The following TAF5 variants were observed in gnomAD, a reference collection of about 807,000 sequenced individuals.
TAF5 encodes transcription initiation factor TFIID subunit 5.
TAF5 carries 20 observed loss-of-function variants against 80.9 expected under a neutral mutation model. The ratio of observed to expected loss-of-function variants is 0.25; its 90% CI spans 0.17 to 0.36. The LOEUF is 0.36. Ranked by LOEUF, TAF5 falls within the 10% of genes least tolerant of loss-of-function variation. The pLI, the probability that TAF5 is intolerant of heterozygous loss-of-function variation, is 1.00. For missense variants in TAF5, 863 were observed against 1,029.4 expected (o/e 0.84, Z 2.21); for synonymous variants, 388 against 406.4 (o/e 0.95, Z 0.55).
intron 1 of TAF5, among the ~76,000 whole-genome samples, chr10:103,368,891 C>T (rs1178545388): frequency 2.0e-5 from 3 of 152,290 alleles, no homozygotes; most frequent in African/African-American, 7.2e-5. Flanking sequence ...TGTACAGTTT[C>T]GTACTAGCGT....
Position 103,375,119 on chromosome 10 carries a change from CAAAAAAA to C in TAF5, c.797+1539_797+1545del, listed in dbSNP as rs914374305. On this transcript the variant is annotated intron_variant, in intron 2 of 10. Transcript: ENST00000369839. The stretch of plus-strand genomic sequence containing the variant: ...AGATGACAAGAGTGAGACCCTGTCT[CAAAAAAA>C]AAAAAAAAAAAAAAGAAAATGTGTG... Among the ~76,000 whole-genome samples the C allele has an allele frequency of 6.2e-5, 5 of 80,648 alleles. No individual in the cohort carries two copies. In the South Asian group the frequency reaches 1.2e-3, roughly 20 times the overall value. The allele number at this position is 80,648 out of a possible 152,430, so 52.9% of individuals were successfully genotyped here. A position where few individuals can be genotyped will look rare whatever the true frequency, so the allele number is the denominator to read the frequency against.
chr10:103,386,934 A>C (rs958015320), intron 8 of TAF5, among the ~76,000 whole-genome samples: 1 of 151,614 alleles, frequency 6.6e-6, no homozygotes, highest in Non-Finnish European at 1.5e-5. Flanking sequence ...AAGTGCTAGA[A>C]GTGTAAGCGT....
chr10:103,388,289 T>G lies in TAF5; in HGVS notation c.*66T>G. ...AAAAGGGAGACTAAAAGCAAATACC[T>G]CAGTGATTAATATTTAAGCTACAGA... is the stretch of plus-strand genomic sequence containing the variant. On this transcript the variant is annotated 3_prime_UTR_variant, in exon 11 of 11. Coordinates refer to ENST00000369839, the MANE Select transcript of TAF5 (RefSeq NM_006951.5). 1 of 1,300,370 alleles carries G rather than the reference T, an allele frequency of 7.7e-7. No individual in the cohort carries two copies. The highest frequency in any genetic ancestry group is 1.1e-6 in the Non-Finnish European group (1 of 927,750). 80.6% of individuals were successfully genotyped at this position (1,300,370 alleles called of 1,614,324 possible). A position where few individuals can be genotyped will look rare whatever the true frequency, so the allele number is the denominator to read the frequency against.
intron 1 of TAF5, among the ~76,000 whole-genome samples, chr10:103,371,479 ACAG>A (rs1270664282): frequency 6.6e-6 from 1 of 152,226 alleles, no homozygotes; most frequent in Non-Finnish European, 1.5e-5. Flanking sequence ...ATGGCAACTT[ACAG>A]AAATTTCCAA....
rs114868680 is a variant in TAF5, at chr10:103,378,960, G to T, written c.1113+410G>T. Among the ~76,000 whole-genome samples, 210 of 152,248 alleles carry T rather than the reference G, an allele frequency of 1.4e-3. No homozygotes were observed. The highest frequency in any genetic ancestry group is 5.0e-3 in the African/African-American group (206 of 41,544). ...CAGGCGTGAGCTACTGCGCCTGGCC[G>T]CTTGGAAACAATTTTATACTGTATA... On this transcript the variant is annotated intron_variant, in intron 3 of 10. Transcript: ENST00000369839. This position sits in a 1 kb window ranked among gnomAD's most constrained non-coding sequence, Gnocchi z 4.1.
intron 7 of TAF5, among the ~76,000 whole-genome samples, chr10:103,383,797 T>C (rs933467688): frequency 6.6e-6 from 1 of 152,058 alleles, no homozygotes; most frequent in African/African-American, 2.4e-5. Context: ...AGGCTGGTCT[T>C]GAACTCTCAA....
rs1413187430 is a variant in TAF5 at position 103,378,773 on chromosome 10, T to G, written c.1113+223T>G. 6.6e-6 allele frequency among the ~76,000 whole-genome samples: 1 copy of G among 152,124 alleles called. No homozygotes were observed. The highest frequency in any genetic ancestry group is 1.5e-5 in the Non-Finnish European group (1 of 68,016). On this transcript the variant is annotated intron_variant, in intron 3 of 10. Transcript: ENST00000369839. This position sits in a 1 kb window ranked among gnomAD's most constrained non-coding sequence, Gnocchi z 4.1. ...CCTGGGTTCAAGTGATTCTCCTGCC[T>G]CAGCTTCCCGAGTAGCTGGGATTAG...
chr10:103,371,245 CAAAA>C (rs142170443), intron 1 of TAF5, among the ~76,000 whole-genome samples: 6 of 108,248 alleles, frequency 5.5e-5, no homozygotes, highest in African/African-American at 2.2e-4. Context: ...TCCGTCTTTA[CAAAA>C]AAAAAAAAAA....
chr10:103,380,057 C>T (rs2093378995), intron 5 of TAF5, 38 bp downstream of exon 5: 1 of 1,590,576 alleles, frequency 6.3e-7, no homozygotes, highest in South Asian at 1.1e-5. Context: ...CCTGGAGAGT[C>T]ATGTAGGATG....
intron 3 of TAF5, 122 bp from the exon 4 acceptor site, chr10:103,379,486 T>TTCTCCCCTTTTTCCTTACTA: frequency 1.1e-6 from 1 of 930,122 alleles, no homozygotes. Context: ...GGTAGACAAA[T>TTCTCCCCTTTTTCCTTACTA]ACAGAACCCT....
chr10:103,386,235 TC>T (rs1414363948), intron 8 of TAF5, among the ~76,000 whole-genome samples: 1 of 151,508 alleles, frequency 6.6e-6, no homozygotes, highest in Non-Finnish European at 1.5e-5. Context: ...GGCCAGAAGT[TC>T]CAGACCAGCC....
intron 1 of TAF5, among the ~76,000 whole-genome samples, chr10:103,370,059 C>T (rs985332632): frequency 6.6e-6 from 1 of 151,354 alleles, no homozygotes; most frequent in Non-Finnish European, 1.5e-5. Context: ...TGGCGAAACC[C>T]CCTTTCTACT....
chr10:103,385,621 T>G (rs766052360), intron 8 of TAF5, 131 bp downstream of exon 8: 1 of 1,101,208 alleles, frequency 9.1e-7, no homozygotes, highest in Non-Finnish European at 1.3e-6. Flanking sequence ...AGCTTTTGCA[T>G]TTATAACTTA....
In TAF5 at chr10:103,373,439, A is replaced by G; in HGVS notation, c.641A>G (p.Tyr214Cys). ...AACCAACAAGGAGATCCCACAATGT[A>G]TGAAGAATACTATAGTGGACTGAAA... ...AYNQQGDPTM[Y>C]EEYYSGLKHF... The change falls in exon 2 of 11, where the codon TAT becomes TGT. Residue 214 changes from tyrosine to cysteine, a missense_variant. By Grantham distance (194) the Tyr-to-Cys change is radical. This residue lies in a region of TAF5 where 367 missense variants were observed against 335.5 expected (regional missense o/e 1.09). Coordinates refer to ENST00000369839, the MANE Select transcript of TAF5 (RefSeq NM_006951.5). The G allele has an allele frequency of 6.2e-7, 1 of 1,614,174 alleles. No individual in the cohort carries two copies. The highest frequency in any genetic ancestry group is 8.5e-7 in the Non-Finnish European group (1 of 1,180,022).
rs201217060 is a variant in TAF5 at position 103,387,488 on chromosome 10, A to G, written c.2008-33A>G. The G allele has an allele frequency of 1.6e-4, 255 of 1,585,170 alleles. 1 individual carries two copies. The African/African-American group carries it at 2.6e-3, about 16-fold the overall frequency. On this transcript the variant is annotated intron_variant, in intron 9 of 10. Transcript: ENST00000369839. The stretch of plus-strand genomic sequence containing the variant: ...AAAATTTTGTCTTATTTTCCTAGAC[A>G]TACTTTGATCTTTTCTATGAACTTT...
chr10:103,380,130 CCTT>C lies in TAF5; in HGVS notation c.1413+112_1413+114del, dbSNP rs1246023969. 4.7e-6 allele frequency: 6 copies of C among 1,266,648 alleles called. No homozygotes were observed. The African/African-American group carries it at 7.6e-5, about 16-fold the overall frequency. The allele number at this position is 1,266,648 out of a possible 1,614,324, so 78.5% of individuals were successfully genotyped here. A position where few individuals can be genotyped will look rare whatever the true frequency, so the allele number is the denominator to read the frequency against. ...AAAATGGAGTTTCGTTATTTAAACT[CCTT>C]TTTTTTTTTTTTCTGAGACAGAGTC... On this transcript the variant is annotated intron_variant, in intron 5 of 10. Transcript: ENST00000369839.
At chr10:103,370,052 C>G (rs1323025479) in intron 1 of TAF5, among the ~76,000 whole-genome samples, 1 of 151,196 alleles carries the variant, frequency 6.6e-6, no homozygotes, top group East Asian at 2.0e-4. Flanking sequence ...GCCGACATGG[C>G]GAAACCCCCT....
rs1592088415 is a variant in TAF5, at chr10:103,368,615, G to A, written c.559+67G>A. The A allele has an allele frequency of 3.5e-6, 5 of 1,428,412 alleles. No individual in the cohort carries two copies. In the African/African-American group the frequency reaches 7.4e-5, roughly 21 times the overall value. 88.5% of individuals were successfully genotyped at this position (1,428,412 alleles called of 1,614,324 possible). A position where few individuals can be genotyped will look rare whatever the true frequency, so the allele number is the denominator to read the frequency against. On this transcript the variant is annotated intron_variant, in intron 1 of 10. Coordinates refer to ENST00000369839, the MANE Select transcript of TAF5 (RefSeq NM_006951.5). The stretch of plus-strand genomic sequence containing the variant: ...GGAGCAAGCCGGTAAGGCAGGGGCT[G>A]GCAGGCCTGCACCTCTGCGGGCTTG...
At chr10:103,373,631 T>A in intron 2 of TAF5, 36 bp downstream of exon 2, 1 of 1,409,758 alleles carries the variant, frequency 7.1e-7, no homozygotes, top group Non-Finnish European at 9.9e-7. Flanking sequence ...TATACACACA[T>A]ACGTAGTGTG....
Sources: allele counts gnomAD v4.1 joint callset (sites outside exome capture counted in the v4.1 genomes callset), GRCh38; gene constraint gnomAD v4.1.1; regional missense constraint gnomAD v4.1.1; non-coding constraint Gnocchi (gnomAD v3.1); transcripts MANE v1.5; gene names NCBI Gene and HGNC (gene_info 2026-07-23, HGNC 2026-07-21).